Variants in CRTC1 observed in about 807,000 individuals in gnomAD.
CRTC1 encodes CREB regulated transcription coactivator 1.
Under a neutral mutation model 66.1 loss-of-function variants are expected in CRTC1, and 18 were observed. That is an observed-to-expected ratio of 0.27 (90% CI 0.19 to 0.40). The LOEUF (loss-of-function observed/expected upper bound fraction) is 0.40, where lower values mean the gene tolerates loss of function less well. Among genes scored for constraint, CRTC1 ranks in the 10% least tolerant of loss-of-function variants. The pLI, the probability that CRTC1 is intolerant of heterozygous loss-of-function variation, is 1.00. For synonymous variants in CRTC1, 416 were observed against 398.8 expected (o/e 1.04, Z -0.51); for missense variants, 669 against 887.9 (o/e 0.75, Z 3.13).
intron 1 of CRTC1, among the ~76,000 whole-genome samples, chr19:18,687,785 G>A (rs1368345713): frequency 1.3e-5 from 2 of 152,130 alleles, no homozygotes; most frequent in East Asian, 3.9e-4. Flanking sequence ...AGAAGACAGG[G>A]ACCTCACCAG....
chr19:18,769,022 C>T (rs1178461986), intron 10 of CRTC1, among the ~76,000 whole-genome samples: 1 of 152,254 alleles, frequency 6.6e-6, no homozygotes, highest in East Asian at 1.9e-4. Context: ...GCCCCAGATT[C>T]CACCCAAGGT....
intron 1 of CRTC1, among the ~76,000 whole-genome samples, chr19:18,728,243 C>T (rs560423233): frequency 3.9e-5 from 6 of 152,252 alleles, no homozygotes; most frequent in African/African-American, 7.2e-5. Flanking sequence ...GAGAATGTCC[C>T]GTCCCGGCCC....
At chr19:18,731,784 G>GTCACACCTC (rs1297124775) in intron 1 of CRTC1, among the ~76,000 whole-genome samples, 4 of 152,168 alleles carry the variant, frequency 2.6e-5, no homozygotes, top group Non-Finnish European at 5.9e-5. Context: ...CTTCCTGCTC[G>GTCACACCTC]TCACACCTCG....
At chr19:18,735,165 G>A (rs1004860345) in intron 1 of CRTC1, among the ~76,000 whole-genome samples, 10 of 152,188 alleles carry the variant, frequency 6.6e-5, no homozygotes, top group South Asian at 2.1e-4. Context: ...CAAGTCAGGG[G>A]CAGAAGGCTT....
chr19:18,763,728 T>C (rs1030227797), intron 8 of CRTC1, among the ~76,000 whole-genome samples: 10 of 152,220 alleles, frequency 6.6e-5, no homozygotes, highest in African/African-American at 2.4e-4. Flanking sequence ...GTGCTCTGGT[T>C]TGCCTCAGGC....
intron 1 of CRTC1, among the ~76,000 whole-genome samples, chr19:18,742,560 G>A (rs1196897750): frequency 6.6e-6 from 1 of 152,220 alleles, no homozygotes; most frequent in African/African-American, 2.4e-5. Context: ...CCCCTGGGCT[G>A]GTGAGGGGCC....
At chr19:18,719,311 G>A (rs2053571977) in intron 1 of CRTC1, among the ~76,000 whole-genome samples, 1 of 152,172 alleles carries the variant, frequency 6.6e-6, no homozygotes, top group African/African-American at 2.4e-5. Context: ...TGGTGAGACA[G>A]GCAAGGGCTA....
rs147168225 is a variant in CRTC1, at chr19:18,731,811, G to A, written c.127-11099G>A. 4.6e-3 allele frequency among the ~76,000 whole-genome samples: 699 copies of A among 150,748 alleles called. 2 individuals carry two copies. Among genetic ancestry groups the A allele is most frequent in the Non-Finnish European group, 7.4e-3 (505 of 68,016 alleles). Reference sequence around the variant, plus strand: ...CACACCTCGGCTGCCTGGCTGCCCCGGGGGGTGGGGGGAAGGCACTGCTGG... The same window carrying A: ...CACACCTCGGCTGCCTGGCTGCCCCAGGGGGTGGGGGGAAGGCACTGCTGG... On this transcript the variant is annotated intron_variant, in intron 1 of 13. Transcript: ENST00000321949.
At chr19:18,743,342 C>G (rs2145729290) in intron 2 of CRTC1, among the ~76,000 whole-genome samples, 1 of 152,382 alleles carries the variant, frequency 6.6e-6, no homozygotes, top group South Asian at 2.1e-4. Flanking sequence ...TGGCTCTGTC[C>G]TGCCTCACTA....
chr19:18,780,346 C>T lies in CRTC1; in HGVS notation c.*2964C>T, dbSNP rs1039585568. On this transcript the variant is annotated 3_prime_UTR_variant, in exon 14 of 14. Coordinates refer to ENST00000321949, the MANE Select transcript of CRTC1 (RefSeq NM_015321.3). ...GCATGGCGTCCCCACCTTCCTGTTTCGCCGACGTCACTACCCAGGGTGGCA... is the reference window on the plus strand; with the variant it reads ...GCATGGCGTCCCCACCTTCCTGTTTTGCCGACGTCACTACCCAGGGTGGCA... 5.2e-5 allele frequency: 12 copies of T among 231,986 alleles called. No individual in the cohort carries two copies. The highest frequency in any genetic ancestry group is 1.8e-4 in the South Asian group (1 of 5,528). The allele number at this position is 231,986 out of a possible 1,614,324, so 14.4% of individuals were successfully genotyped here.
At chr19:18,701,177 C>T (rs1279821566) in intron 1 of CRTC1, among the ~76,000 whole-genome samples, 1 of 152,252 alleles carries the variant, frequency 6.6e-6, no homozygotes, top group African/African-American at 2.4e-5. Flanking sequence ...GAAGGTCCAC[C>T]ATGGGGTGGA....
chr19:18,733,124 C>G (rs80072616), intron 1 of CRTC1, among the ~76,000 whole-genome samples: 2 of 152,034 alleles, frequency 1.3e-5, no homozygotes, highest in African/African-American at 4.8e-5. Flanking sequence ...ACAGCCCTCC[C>G]GGCTGGGGAA....
At position 18,779,992 on chromosome 19, in the gene CRTC1, G is replaced by C. The variant is rs992583716; in HGVS notation, c.*2610G>C. On this transcript the variant is annotated 3_prime_UTR_variant, in exon 14 of 14. Transcript: ENST00000321949. ...ATCACGGCCTTTTGTGTGTGCGTAC[G>C]TGTGGTTTTTTTAAATATCACTACT... 2.2e-5 allele frequency: 5 copies of C among 228,732 alleles called. No homozygotes were observed. The highest frequency in any genetic ancestry group is 4.3e-5 in the Non-Finnish European group (5 of 115,320). 14.2% of individuals were successfully genotyped at this position (228,732 alleles called of 1,614,324 possible).
Position 18,778,499 on chromosome 19 carries a change from CAA to C in CRTC1, c.*1118_*1119del. On this transcript the variant is annotated 3_prime_UTR_variant, in exon 14 of 14. Transcript: ENST00000321949. ...TGAGTCCGGCTTTTGGGTTTCACCC[CAA>C]GTTATCTCAAAACAAAAGGGCTGGT... is the stretch of plus-strand genomic sequence containing the variant. 8.6e-6 allele frequency: 2 copies of C among 231,714 alleles called. No homozygotes were observed. Among genetic ancestry groups the C allele is most frequent in the Non-Finnish European group, 1.7e-5 (2 of 117,094 alleles). The allele number at this position is 231,714 out of a possible 1,614,324, so 14.4% of individuals were successfully genotyped here. A position where few individuals can be genotyped will look rare whatever the true frequency, so the allele number is the denominator to read the frequency against.
rs939605653 is a variant in CRTC1, at chr19:18,713,643, A to G, written c.127-29267A>G. On this transcript the variant is annotated intron_variant, in intron 1 of 13. Coordinates refer to ENST00000321949, the MANE Select transcript of CRTC1 (RefSeq NM_015321.3). ...GTTTCTGTATGGCTCTGCAGAGGCC[A>G]GGCTCACCGCCGGTTGGCCTTAGCT... 2.0e-5 allele frequency among the ~76,000 whole-genome samples: 3 copies of G among 152,174 alleles called. No homozygotes were observed. The East Asian group carries it at 5.8e-4, about 29-fold the overall frequency.
intron 1 of CRTC1, among the ~76,000 whole-genome samples, chr19:18,719,309 C>T (rs2053571823): frequency 6.6e-6 from 1 of 152,168 alleles, no homozygotes; most frequent in African/African-American, 2.4e-5. Context: ...GATGGTGAGA[C>T]AGGCAAGGGC....
intron 1 of CRTC1, among the ~76,000 whole-genome samples, chr19:18,687,363 T>C (rs930355747): frequency 3.3e-5 from 5 of 152,112 alleles, no homozygotes; most frequent in African/African-American, 1.2e-4. Flanking sequence ...AACAGTGAGG[T>C]GGGCCAGGGT....
intron 6 of CRTC1, among the ~76,000 whole-genome samples, chr19:18,758,565 C>T (rs1462870739): frequency 6.6e-6 from 1 of 152,058 alleles, no homozygotes; most frequent in East Asian, 1.9e-4. Flanking sequence ...AAGCCCTAGT[C>T]AGTGGGGGAT....
chr19:18,699,160 G>T (rs576385423), intron 1 of CRTC1, among the ~76,000 whole-genome samples: 1 of 152,158 alleles, frequency 6.6e-6, no homozygotes, highest in Non-Finnish European at 1.5e-5. Flanking sequence ...CCTGTCTCCA[G>T]TTCATTCTGG....
Sources: allele counts gnomAD v4.1 joint callset (sites outside exome capture counted in the v4.1 genomes callset), GRCh38; gene constraint gnomAD v4.1.1; transcripts MANE v1.5; gene names NCBI Gene and HGNC (gene_info 2026-07-23, HGNC 2026-07-21).